LIG1: variants seen among roughly 807,000 people sequenced by gnomAD.
LIG1 encodes ligase I, DNA, ATP-dependent.
In LIG1, 70 loss-of-function variants were observed where a neutral mutation model predicts 115.7. The observed-to-expected ratio is 0.60, with a 90% CI of 0.50 to 0.74. The LOEUF (loss-of-function observed/expected upper bound fraction) is 0.74, where lower values mean the gene tolerates loss of function less well. LIG1 is among the 30% of genes least tolerant of loss of function. LIG1 has a pLI of 0.00. For missense variants in LIG1, 1,115 were observed against 1,225.6 expected (o/e 0.91, Z 1.35); for synonymous variants, 487 against 495.3 (o/e 0.98, Z 0.22).
chr19:48,137,211 C>A lies in LIG1; in HGVS notation c.1255-127G>T. 1 of 848,806 alleles carries A rather than the reference C, an allele frequency of 1.2e-6. No homozygotes were observed. The highest frequency in any genetic ancestry group is 1.5e-5 in the South Asian group (1 of 67,874). 52.6% of individuals were successfully genotyped at this position (848,806 alleles called of 1,614,324 possible). A position where few individuals can be genotyped will look rare whatever the true frequency, so the allele number is the denominator to read the frequency against. On this transcript the variant is annotated intron_variant, in intron 13 of 27. Coordinates refer to ENST00000263274, the MANE Select transcript of LIG1 (RefSeq NM_000234.3). The surrounding 1 kb of genome is among the most constrained non-coding windows in gnomAD (Gnocchi z 4.3). ...TCCTTCCCTCACCCCATCCCCATGTCCCAGCTCCCATGGCCGCCCACTCTT... is the reference window on the plus strand; with the variant it reads ...TCCTTCCCTCACCCCATCCCCATGTACCAGCTCCCATGGCCGCCCACTCTT...
In LIG1 at chr19:48,123,188, T is replaced by A; in HGVS notation, c.2135A>T (p.Glu712Val). The A allele has an allele frequency of 6.2e-7, 1 of 1,613,970 alleles. No individual in the cohort carries two copies. Among genetic ancestry groups the A allele is most frequent in the Non-Finnish European group, 8.5e-7 (1 of 1,180,000 alleles). ...AGCACCCTCACCTTTCACTGACTGC[T>A]CCAGGAACTCGGCGATCTGCTCGAT... is the stretch of plus-strand genomic sequence containing the variant. ...KDIEQIAEFL[E>V]QSVKDSCEGL... is the part of the protein sequence containing the mutation. Residue 712 changes from glutamate to valine, a missense_variant, in exon 22 of 28, where the codon GAG (glutamate) becomes GTG (valine). Physicochemically the swap from Glu to Val is moderately radical, Grantham distance 121. Transcript: ENST00000263274.
chr19:48,134,303 C>T (rs1272075502), intron 16 of LIG1, among the ~76,000 whole-genome samples: 1 of 152,130 alleles, frequency 6.6e-6, no homozygotes, highest in African/African-American at 2.4e-5. Context: ...ACCACGAGAC[C>T]AGCGATTCTC....
chr19:48,135,778 T>A lies in LIG1; in HGVS notation c.1425A>T (p.Glu475Asp), dbSNP rs778098057. Reference sequence around the variant, plus strand: ...CAGCATCCACCATGGCTGGTGGGAATTCTAAGAAAAGACCCACCAGAGGCT... The same window carrying A: ...CAGCATCCACCATGGCTGGTGGGAAATCTAAGAAAAGACCCACCAGAGGCT... ...QAVSLTPPGQEFPPAMVDAGK... is the reference protein window; with the variant it reads ...QAVSLTPPGQDFPPAMVDAGK... The change falls in exon 16 of 28, where the codon GAA becomes GAT. Residue 475 changes from glutamate to aspartate, a missense_variant and splice_region_variant. Glu to Asp is a conservative substitution (Grantham distance 45). Coordinates refer to ENST00000263274, the MANE Select transcript of LIG1 (RefSeq NM_000234.3). 13 of 1,613,638 alleles carry A rather than the reference T, an allele frequency of 8.1e-6. 1 individual carries two copies. The South Asian group carries it at 1.3e-4, about 16-fold the overall frequency.
intron 9 of LIG1, among the ~76,000 whole-genome samples, chr19:48,144,918 C>T (rs770145939): frequency 3.3e-5 from 5 of 151,622 alleles, no homozygotes; most frequent in African/African-American, 1.2e-4. Flanking sequence ...AGTTCCCAAC[C>T]TCTATTTTTT....
chr19:48,140,528 T>C (rs1242554767), intron 11 of LIG1, among the ~76,000 whole-genome samples: 1 of 152,202 alleles, frequency 6.6e-6, no homozygotes, highest in East Asian at 1.9e-4. Context: ...GACCCCTTTT[T>C]GCCTAAGGAC....
chr19:48,157,306 C>T (rs1163038768), intron 4 of LIG1, among the ~76,000 whole-genome samples, 166 bp from the exon 5 acceptor site: 1 of 152,100 alleles, frequency 6.6e-6, no homozygotes, highest in Non-Finnish European at 1.5e-5. Context: ...GCCATCATCC[C>T]GCCCTCCAGT....
rs1351189960 is a variant in LIG1 at position 48,121,064 on chromosome 19, AG to A, written c.2385+105del. 2.5e-6 allele frequency: 4 copies of A among 1,595,986 alleles called. 1 individual carries two copies. In the Admixed American group the frequency reaches 5.1e-5, roughly 20 times the overall value. ...AAACTGGGGAGAACGGATCCTTCAC[AG>A]GGGGATGTGAGCACCCCTCGGTCTG... On this transcript the variant is annotated intron_variant, in intron 24 of 27. Coordinates refer to ENST00000263274, the MANE Select transcript of LIG1 (RefSeq NM_000234.3).
rs1489446553 is a variant in LIG1 at position 48,137,005 on chromosome 19, T to C, written c.1331+3A>G. ...CTGTAGCCTCACAGGCCCACACGCT[T>C]ACCTAGCGATGAACCGGGCTTCTGA... On this transcript the variant is annotated splice_donor_region_variant and intron_variant, in intron 14 of 27. Transcript: ENST00000263274. This position sits in a 1 kb window ranked among gnomAD's most constrained non-coding sequence, Gnocchi z 4.3. The C allele has an allele frequency of 3.7e-6, 6 of 1,610,782 alleles. No individual in the cohort carries two copies. The highest frequency in any genetic ancestry group is 4.2e-6 in the Non-Finnish European group (5 of 1,178,458).
intron 11 of LIG1, among the ~76,000 whole-genome samples, chr19:48,141,061 G>T (rs2034717013): frequency 6.6e-6 from 1 of 152,254 alleles, no homozygotes; most frequent in Non-Finnish European, 1.5e-5. Context: ...TAACAATGAT[G>T]AAGATGGTGA....
chr19:48,122,897 C>CGGGGTGGAGAAGGCCCAGTTG lies in LIG1; in HGVS notation c.2232+16_2232+36dup. 6.3e-7 allele frequency: 1 copy of CGGGGTGGAGAAGGCCCAGTTG among 1,592,330 alleles called. No homozygotes were observed. Among genetic ancestry groups the CGGGGTGGAGAAGGCCCAGTTG allele is most frequent in the Non-Finnish European group, 8.6e-7 (1 of 1,160,666 alleles). ...CCTAGCTGGGACAGACCTCCAGACC[C>CGGGGTGGAGAAGGCCCAGTTG]GGGGTGGAGAAGGCCCAGTTGGGGG... On this transcript the variant is annotated intron_variant, in intron 23 of 27. Coordinates refer to ENST00000263274, the MANE Select transcript of LIG1 (RefSeq NM_000234.3). The surrounding 1 kb of genome is among the most constrained non-coding windows in gnomAD (Gnocchi z 4.3).
Position 48,140,157 on chromosome 19 carries a change from C to T in LIG1, c.915-14G>A, listed in dbSNP as rs776287849. On this transcript the variant is annotated splice_polypyrimidine_tract_variant and intron_variant, in intron 11 of 27. Coordinates refer to ENST00000263274, the MANE Select transcript of LIG1 (RefSeq NM_000234.3). ...ACCATCCGGAGCCTGGAGGAGGGGA[C>T]GGGGGTATGAACACGTGGTTCCTCA... 1.1e-5 allele frequency: 16 copies of T among 1,409,860 alleles called. No homozygotes were observed. Among genetic ancestry groups the T allele is most frequent in the Admixed American group, 5.6e-5 (3 of 53,552 alleles). 87.3% of individuals were successfully genotyped at this position (1,409,860 alleles called of 1,614,324 possible). A position where few individuals can be genotyped will look rare whatever the true frequency, so the allele number is the denominator to read the frequency against.
rs1555766307 is a variant in LIG1 at position 48,123,854 on chromosome 19, TA to T, written c.2005-537del. 9.7e-3 allele frequency among the ~76,000 whole-genome samples: 1,332 copies of T among 137,036 alleles called. 13 individuals carry two copies. The highest frequency in any genetic ancestry group is 0.026 in the African/African-American group (989 of 38,078). The allele number at this position is 137,036 out of a possible 152,430, so 89.9% of individuals were successfully genotyped here. On this transcript the variant is annotated intron_variant, in intron 21 of 27. Transcript: ENST00000263274. ...CATCCAGCCTCATCCCCAAGATAAT[TA>T]AAAAAAAAAAAAAAAGTCCTCCTTT...
intron 24 of LIG1, among the ~76,000 whole-genome samples, chr19:48,119,457 G>A (rs762866580): frequency 6.6e-6 from 1 of 150,696 alleles, no homozygotes; most frequent in Non-Finnish European, 1.5e-5. Flanking sequence ...TGTCTCCCTG[G>A]CCCCAGGAAG....
chr19:48,158,390 C>T (rs532931865), intron 4 of LIG1, among the ~76,000 whole-genome samples: 2 of 152,214 alleles, frequency 1.3e-5, no homozygotes, highest in Non-Finnish European at 2.9e-5. Context: ...CCCTGTGAGA[C>T]GGTCACATGA....
chr19:48,161,751 G>A (rs1008393318), intron 3 of LIG1, among the ~76,000 whole-genome samples: 1 of 151,660 alleles, frequency 6.6e-6, no homozygotes, highest in Admixed American at 6.6e-5. Flanking sequence ...TGCCTGCCCT[G>A]TGATGGGTGA....
intron 10 of LIG1, 115 bp downstream of exon 10, chr19:48,143,768 G>T: frequency 1.8e-6 from 2 of 1,127,056 alleles, no homozygotes; most frequent in Non-Finnish European, 1.4e-6. Context: ...GCTGATTGTC[G>T]CCAAAACACA....
Position 48,150,081 on chromosome 19 carries a change from A to G in LIG1, c.697+7T>C. The G allele has an allele frequency of 6.2e-7, 1 of 1,614,094 alleles. No homozygotes were observed. The highest frequency in any genetic ancestry group is 1.7e-5 in the Admixed American group (1 of 60,016). ...CCCGGGAGGTGGGGTGAGCAAGGGA[A>G]ACTCACTGAAGAAGCTGCTGAGCGT... On this transcript the variant is annotated splice_region_variant and intron_variant, in intron 8 of 27. Transcript: ENST00000263274.
intron 19 of LIG1, among the ~76,000 whole-genome samples, chr19:48,129,991 G>A (rs1599764300): frequency 6.6e-6 from 1 of 152,116 alleles, no homozygotes; most frequent in Non-Finnish European, 1.5e-5. Context: ...CCTGACCTCA[G>A]GTGATCCACC....
At chr19:48,131,304 C>T (rs758074800) in intron 18 of LIG1, 133 bp from the exon 19 acceptor site, 6 of 683,400 alleles carry the variant, frequency 8.8e-6, no homozygotes, top group Non-Finnish European at 1.3e-5. Context: ...GAGACTTGAG[C>T]GAATCATCTC....
Sources: allele counts gnomAD v4.1 joint callset (sites outside exome capture counted in the v4.1 genomes callset), GRCh38; gene constraint gnomAD v4.1.1; non-coding constraint Gnocchi (gnomAD v3.1); transcripts MANE v1.5; gene names NCBI Gene and HGNC (gene_info 2026-07-23, HGNC 2026-07-21).